HSD17B3: variants seen among roughly 807,000 people sequenced by gnomAD.
The protein encoded by HSD17B3 is 17-beta-hydroxysteroid dehydrogenase type 3.
In HSD17B3, 29 loss-of-function variants were observed where a neutral mutation model predicts 41.1. That is an observed-to-expected ratio of 0.71 (90% CI 0.53 to 0.96). HSD17B3 has a LOEUF of 0.96. Ranked by LOEUF, HSD17B3 falls within the 40% of genes least tolerant of loss-of-function variation. The pLI is 0.00. For synonymous variants in HSD17B3, 126 were observed against 145.6 expected, an observed-to-expected ratio of 0.87 and a Z score of 0.97; for missense variants, 323 against 374.6, an observed-to-expected ratio of 0.86 and a Z score of 1.14.
At chr9:96,274,628 A>C (rs929011860) in intron 2 of HSD17B3, among the ~76,000 whole-genome samples, 1 of 152,342 alleles carries the variant, frequency 6.6e-6, no homozygotes, top group Non-Finnish European at 1.5e-5. Context: ...AGAAAGCCTT[A>C]ACAGCAGACT....
chr9:96,267,461 C>A (rs1435638311), intron 2 of HSD17B3, among the ~76,000 whole-genome samples: 1 of 151,732 alleles, frequency 6.6e-6, no homozygotes, highest in Non-Finnish European at 1.5e-5. Context: ...CCTGGCCAAC[C>A]ATTTTTAAAA....
intron 10 of HSD17B3, 46 bp from the exon 11 acceptor site, chr9:96,235,616 G>C: frequency 6.9e-7 from 1 of 1,454,754 alleles, no homozygotes; most frequent in Non-Finnish European, 9.5e-7. Flanking sequence ...GGAATAACAA[G>C]TACCTCAGTT....
intron 2 of HSD17B3, among the ~76,000 whole-genome samples, chr9:96,292,325 T>G (rs1827189570): frequency 6.6e-6 from 1 of 152,184 alleles, no homozygotes; most frequent in African/African-American, 2.4e-5. Flanking sequence ...GAAAAAGTAT[T>G]TGAATAAATA....
At position 96,284,726 on chromosome 9, in the gene HSD17B3, G is replaced by A. The variant is rs142277670; in HGVS notation, c.201+13690C>T. 7.2e-5 allele frequency among the ~76,000 whole-genome samples: 11 copies of A among 152,282 alleles called. No individual in the cohort carries two copies. The East Asian group carries it at 1.7e-3, about 24-fold the overall frequency. On this transcript the variant is annotated intron_variant, in intron 2 of 10. Transcript: ENST00000375263. ...CCCCAAGTTATCTTGGGACCCCCAA[G>A]AGGGGAGGAATTTACTCAACTCATA...
intron 2 of HSD17B3, among the ~76,000 whole-genome samples, chr9:96,277,350 A>G (rs894898002): frequency 1.3e-5 from 2 of 152,256 alleles, no homozygotes; most frequent in Non-Finnish European, 2.9e-5. Context: ...CTATATAAAG[A>G]GCTAATAAAA....
rs1408646418 is a variant in HSD17B3 at position 96,244,362 on chromosome 9, T to C, written c.639A>G (p.Gln213=). Reference sequence around the variant, plus strand: ...TGACTTCTTTTGCTTTATATTCCTCTTGCAGGGCCTTGGAAAATGCGCACA... The same window carrying C: ...TGACTTCTTTTGCTTTATATTCCTCCTGCAGGGCCTTGGAAAATGCGCACA... ...AFVCAFSKAL[Q]EEYKAKEVII... The change falls in exon 9 of 11, where the codon CAA becomes CAG. Residue 213 remains glutamine (Q), a synonymous_variant. Transcript: ENST00000375263. 3 of 1,614,050 alleles carry C rather than the reference T, an allele frequency of 1.9e-6. No homozygotes were observed. The African/African-American group carries it at 4.0e-5, about 22-fold the overall frequency.
intron 10 of HSD17B3, chr9:96,239,597 A>G (rs1447098308): frequency 6.6e-6 from 1 of 152,252 alleles, no homozygotes; most frequent in Non-Finnish European, 1.5e-5. Context: ...AGATAAAGGA[A>G]TGCTTTGGTA....
chr9:96,299,034 AAGAATTTGTACTCAAT>A (rs560341114), intron 1 of HSD17B3, among the ~76,000 whole-genome samples: 106 of 152,356 alleles, frequency 7.0e-4, no homozygotes, highest in African/African-American at 1.9e-3. Context: ...AAGAAACCTG[AAGAATTTGTACTCAAT>A]AGAACTATCT....
At chr9:96,249,204 A>G (rs1354713772) in intron 6 of HSD17B3, among the ~76,000 whole-genome samples, 1 of 152,130 alleles carries the variant, frequency 6.6e-6, no homozygotes, top group Non-Finnish European at 1.5e-5. Flanking sequence ...CGCCCAGCCA[A>G]TCCACAGCCT....
intron 2 of HSD17B3, among the ~76,000 whole-genome samples, chr9:96,288,002 AT>A (rs1396257335): frequency 6.6e-6 from 1 of 152,244 alleles, no homozygotes; most frequent in Non-Finnish European, 1.5e-5. Context: ...ATGCTACAAT[AT>A]GGATGAACCT....
At chr9:96,268,687 G>C (rs1476029568) in intron 2 of HSD17B3, among the ~76,000 whole-genome samples, 1 of 152,136 alleles carries the variant, frequency 6.6e-6, no homozygotes, top group Non-Finnish European at 1.5e-5. Context: ...GGTGGCTCAC[G>C]CCTGTAATAC....
At position 96,254,899 on chromosome 9, in the gene HSD17B3, C is replaced by G. The variant is rs1382158098; in HGVS notation, c.246G>C (p.Leu82=). ...GLNVVLISRT[L]EKLEAIATEI... ...CTGTGGCAATGGCCTCTAGTTTTTCCAGCGTCCGGCTAATAAGGACAACAT... is the reference window on the plus strand; with the variant it reads ...CTGTGGCAATGGCCTCTAGTTTTTCGAGCGTCCGGCTAATAAGGACAACAT... The change falls in exon 3 of 11, where the codon CTG becomes CTC. Residue 82 remains leucine, a synonymous_variant. Transcript: ENST00000375263. The G allele has an allele frequency of 6.2e-7, 1 of 1,614,058 alleles. No individual in the cohort carries two copies. The highest frequency in any genetic ancestry group is 1.1e-5 in the South Asian group (1 of 91,050).
At chr9:96,267,112 G>A (rs531147420) in intron 2 of HSD17B3, among the ~76,000 whole-genome samples, 4 of 151,768 alleles carry the variant, frequency 2.6e-5, no homozygotes, top group East Asian at 1.9e-4. Flanking sequence ...CCAGACAAAC[G>A]CGGGAAAGAG....
rs570278840 is a variant in HSD17B3 at position 96,251,226 on chromosome 9, T to C, written c.453+192A>G. On this transcript the variant is annotated intron_variant, in intron 5 of 10. Transcript: ENST00000375263. Reference sequence around the variant, plus strand: ...GGAAGATGTCCATATCCTAGAGATATCGTGAAAAGTGGTACTCTTGACTGT... The same window carrying C: ...GGAAGATGTCCATATCCTAGAGATACCGTGAAAAGTGGTACTCTTGACTGT... 18 of 606,242 alleles carry C rather than the reference T, an allele frequency of 3.0e-5. No homozygotes were observed. In the South Asian group the frequency reaches 3.2e-4, roughly 11 times the overall value. 37.6% of individuals were successfully genotyped at this position (606,242 alleles called of 1,614,324 possible). A position where few individuals can be genotyped will look rare whatever the true frequency, so the allele number is the denominator to read the frequency against.
chr9:96,240,075 G>A (rs112118243), intron 10 of HSD17B3, among the ~76,000 whole-genome samples: 2 of 151,992 alleles, frequency 1.3e-5, no homozygotes, highest in African/African-American at 4.8e-5. Context: ...CCTGTCGGGG[G>A]GTGGGGGGCA....
chr9:96,250,568 G>T, intron 5 of HSD17B3: 1 of 728,014 alleles, frequency 1.4e-6, no homozygotes, highest in Non-Finnish European at 1.7e-6. Context: ...GCCTAAGAAA[G>T]GGTCAACAAA....
intron 2 of HSD17B3, among the ~76,000 whole-genome samples, chr9:96,290,456 CTTTTTTTT>C (rs61373611): frequency 1.9e-4 from 15 of 78,432 alleles, no homozygotes; most frequent in African/African-American, 7.8e-4. Context: ...ATTTCCTGGG[CTTTTTTTT>C]TTTTTTTTTT....
chr9:96,244,457 C>T, intron 8 of HSD17B3, 63 bp from the exon 9 acceptor site: 2 of 1,512,008 alleles, frequency 1.3e-6, no homozygotes, highest in East Asian at 2.3e-5. Flanking sequence ...AGCCAACTTC[C>T]TCTGACTTCA....
chr9:96,261,606 C>T (rs1825864433), intron 2 of HSD17B3, among the ~76,000 whole-genome samples: 1 of 152,172 alleles, frequency 6.6e-6, no homozygotes, highest in Non-Finnish European at 1.5e-5. Flanking sequence ...TTCGCCAGGG[C>T]CAAGGTCCTG....
Sources: allele counts gnomAD v4.1 joint callset (sites outside exome capture counted in the v4.1 genomes callset), GRCh38; gene constraint gnomAD v4.1.1; transcripts MANE v1.5; gene names NCBI Gene and HGNC (gene_info 2026-07-23, HGNC 2026-07-21).